Variants in METTL15 observed in about 807,000 individuals in gnomAD.
METTL15 encodes methyltransferase 15, mitochondrial 12S rRNA N4-cytidine.
In METTL15, 34 loss-of-function variants were observed where a neutral mutation model predicts 38.3. That is an observed-to-expected ratio of 0.89 (90% confidence interval 0.68 to 1.18). The LOEUF (loss-of-function observed/expected upper bound fraction) is 1.18, where lower values mean the gene tolerates loss of function less well. Among genes scored for constraint, METTL15 ranks in the 50% most tolerant of loss-of-function variants. The pLI is 0.00. For missense variants in METTL15, 438 were observed against 498.4 expected (o/e 0.88, Z 1.15); for synonymous variants, 162 against 170.9 (o/e 0.95, Z 0.41).
At chr11:28,194,021 T>A (rs1851796658) in intron 3 of METTL15, among the ~76,000 whole-genome samples, 1 of 152,080 alleles carries the variant, frequency 6.6e-6, no homozygotes, top group South Asian at 2.1e-4. Flanking sequence ...GCAATCCCTT[T>A]ATGTTTTATT....
At chr11:28,401,998 G>C (rs1190428114) in intron 5 of METTL15, among the ~76,000 whole-genome samples, 1 of 151,900 alleles carries the variant, frequency 6.6e-6, no homozygotes, top group Non-Finnish European at 1.5e-5. Flanking sequence ...CCTAAAGCAA[G>C]CATTCAGTTC....
intron 3 of METTL15, among the ~76,000 whole-genome samples, chr11:28,179,356 C>T (rs554084842): frequency 1.8e-4 from 28 of 151,718 alleles, no homozygotes; most frequent in Middle Eastern, 3.4e-3. Flanking sequence ...AAAATACAGA[C>T]GTTTTAAGTG....
At chr11:28,317,046 T>A (rs1201693414) in intron 6 of METTL15, among the ~76,000 whole-genome samples, 1 of 152,244 alleles carries the variant, frequency 6.6e-6, no homozygotes, top group Non-Finnish European at 1.5e-5. Flanking sequence ...GTTCTTTCCT[T>A]TAATTCTGGG....
intron 3 of METTL15, among the ~76,000 whole-genome samples, chr11:28,177,034 C>T (rs1274569400): frequency 2.0e-5 from 3 of 151,948 alleles, no homozygotes; most frequent in African/African-American, 7.2e-5. Context: ...TAGATGGATA[C>T]ACTAGAAGGA....
At chr11:28,154,709 T>A (rs2133727543) in intron 3 of METTL15, among the ~76,000 whole-genome samples, 1 of 152,264 alleles carries the variant, frequency 6.6e-6, no homozygotes, top group East Asian at 1.9e-4. Context: ...CATACAAGGA[T>A]TGTGCTGATT....
chr11:28,138,080 A>G (rs2133651779), intron 3 of METTL15, among the ~76,000 whole-genome samples: 1 of 151,950 alleles, frequency 6.6e-6, no homozygotes, highest in African/African-American at 2.4e-5. Context: ...AATCTATCCA[A>G]TTTTAATTGC....
chr11:28,363,148 T>C (rs1468537905), intron 5 of METTL15, among the ~76,000 whole-genome samples: 1 of 152,128 alleles, frequency 6.6e-6, no homozygotes, highest in African/African-American at 2.4e-5. Context: ...GCCACTTGTA[T>C]GTCTTTATAT....
At chr11:28,473,237 G>A (rs1851316988) in intron 6 of METTL15, among the ~76,000 whole-genome samples, 1 of 152,126 alleles carries the variant, frequency 6.6e-6, no homozygotes, top group Admixed American at 6.6e-5. Context: ...TTTCTGGAGA[G>A]AATATTTGTC....
chr11:28,483,873 C>T (rs1851416855), intron 6 of METTL15, among the ~76,000 whole-genome samples: 2 of 151,952 alleles, frequency 1.3e-5, no homozygotes, highest in Non-Finnish European at 2.9e-5. Context: ...ATGTGTACAC[C>T]TAGTACCTAG....
At chr11:28,514,035 G>A (rs1473113925) in intron 6 of METTL15, among the ~76,000 whole-genome samples, 1 of 152,190 alleles carries the variant, frequency 6.6e-6, no homozygotes, top group Non-Finnish European at 1.5e-5. Context: ...CTCGAGGGAA[G>A]GTACATGATG....
At chr11:28,250,926 G>A (rs1590218648) in intron 4 of METTL15, among the ~76,000 whole-genome samples, 1 of 151,836 alleles carries the variant, frequency 6.6e-6, no homozygotes, top group South Asian at 2.1e-4. Flanking sequence ...TGTGGCTGGG[G>A]GTGTAAGAGA....
intron 6 of METTL15, among the ~76,000 whole-genome samples, chr11:28,466,745 G>T (rs530360506): frequency 1.3e-5 from 2 of 152,102 alleles, no homozygotes; most frequent in African/African-American, 4.8e-5. Flanking sequence ...CTGCTCTGCC[G>T]CAGGCTAGTT....
chr11:28,140,190 A>G (rs1849652651), intron 3 of METTL15, among the ~76,000 whole-genome samples: 3 of 152,200 alleles, frequency 2.0e-5, no homozygotes, highest in Admixed American at 2.0e-4. Context: ...ATTGTTCTGA[A>G]TGGCATTTCT....
intron 3 of METTL15, among the ~76,000 whole-genome samples, chr11:28,339,268 T>C (rs1019863169): frequency 1.3e-5 from 2 of 152,120 alleles, no homozygotes; most frequent in Non-Finnish European, 2.9e-5. Context: ...AGAAATGTGA[T>C]GTGATTTTTA....
At chr11:28,280,292 T>A (rs527682170) in intron 4 of METTL15, among the ~76,000 whole-genome samples, 102 of 152,348 alleles carry the variant, frequency 6.7e-4, no homozygotes, top group Non-Finnish European at 1.1e-3. Flanking sequence ...TCTTAGAATA[T>A]CTCTATCTGC....
intron 5 of METTL15, among the ~76,000 whole-genome samples, chr11:28,382,553 C>T (rs2133385996): frequency 6.6e-6 from 1 of 152,080 alleles, no homozygotes; most frequent in African/African-American, 2.4e-5. Context: ...AAGTTCACCT[C>T]TTGGGCTCAG....
intron 6 of METTL15, among the ~76,000 whole-genome samples, chr11:28,467,778 ATAAAT>A (rs959503144): frequency 2.2e-4 from 34 of 152,182 alleles, no homozygotes; most frequent in African/African-American, 8.2e-4. Context: ...AAACAAGTAA[ATAAAT>A]TAACTTTTTT....
At chr11:28,284,237 T>A (rs1236551705) in intron 4 of METTL15, among the ~76,000 whole-genome samples, 1 of 152,210 alleles carries the variant, frequency 6.6e-6, no homozygotes, top group East Asian at 1.9e-4. Context: ...TACATTATAA[T>A]GTTGAGCTTT....
At chr11:28,494,590 C>A (rs2133484321) in intron 6 of METTL15, among the ~76,000 whole-genome samples, 1 of 152,168 alleles carries the variant, frequency 6.6e-6, no homozygotes, top group East Asian at 1.9e-4. Context: ...TTGGCTGTGT[C>A]CCCACCCAAA....
Sources: gnomAD v4.1 joint callset for allele counts (sites outside exome capture counted in the v4.1 genomes callset) on GRCh38, gnomAD v4.1.1 for gene constraint, MANE v1.5 for transcripts, NCBI Gene and HGNC (gene_info 2026-07-23, HGNC 2026-07-21) for gene names.